Variants in GPC5 observed in about 807,000 individuals in gnomAD.
The protein encoded by GPC5 is glypican 5.
A neutral mutation model predicts 53.9 loss-of-function variants in GPC5; 47 were observed. The observed-to-expected ratio is 0.87, with a 90% confidence interval of 0.69 to 1.11. The LOEUF is 1.11. Among genes scored for constraint, GPC5 ranks in the 50% most tolerant of loss-of-function variants. The pLI, the probability that GPC5 is intolerant of heterozygous loss-of-function variation, is 0.00. For synonymous variants in GPC5, 286 were observed against 263.3 expected (o/e 1.09, Z -0.84); for missense variants, 748 against 713.1 (o/e 1.05, Z -0.56).
intron 2 of GPC5, among the ~76,000 whole-genome samples, chr13:91,668,265 G>T (rs974813082): frequency 2.7e-4 from 41 of 152,188 alleles, no homozygotes; most frequent in Admixed American, 2.4e-3. Flanking sequence ...TCCAGCTGGG[G>T]CTTTGCTCTT....
intron 6 of GPC5, among the ~76,000 whole-genome samples, chr13:92,131,839 A>G (rs1400687436): frequency 1.3e-5 from 2 of 152,036 alleles, no homozygotes; most frequent in African/African-American, 4.8e-5. Flanking sequence ...CGTGTAAATT[A>G]TATATTAATA....
At position 92,331,110 on chromosome 13, in the gene GPC5, G is replaced by A. The variant is rs192454037; in HGVS notation, c.1561+186121G>A. On this transcript the variant is annotated intron_variant, in intron 7 of 7. Coordinates refer to ENST00000377067, the MANE Select transcript of GPC5 (RefSeq NM_004466.6). ...ATGTTAATAAGGATCGGTACATGTC[G>A]AATCTCTAATTACCTGTGTATTATC... Among the ~76,000 whole-genome samples the A allele has an allele frequency of 1.1e-4, 17 of 152,130 alleles. No homozygotes were observed. In the East Asian group the frequency reaches 2.9e-3, roughly 26 times the overall value.
At chr13:91,475,506 A>G (rs1039552247) in intron 2 of GPC5, among the ~76,000 whole-genome samples, 2 of 152,204 alleles carry the variant, frequency 1.3e-5, no homozygotes, top group African/African-American at 4.8e-5. Flanking sequence ...TCAGAGGCAT[A>G]TGGCTGAAAG....
At chr13:92,398,428 C>CA (rs35873316) in intron 7 of GPC5, among the ~76,000 whole-genome samples, 1,934 of 87,416 alleles carry the variant, frequency 0.022, 96 homozygotes, top group East Asian at 0.059. Context: ...GACTCCGTCT[C>CA]AAAAAAAAAA....
At chr13:92,622,357 C>T (rs573678402) in intron 7 of GPC5, among the ~76,000 whole-genome samples, 2 of 152,322 alleles carry the variant, frequency 1.3e-5, no homozygotes, top group East Asian at 3.9e-4. Flanking sequence ...CTGTTGCTCA[C>T]ACCAGATGCT....
At chr13:92,593,232 A>G (rs1248635824) in intron 7 of GPC5, among the ~76,000 whole-genome samples, 2 of 151,274 alleles carry the variant, frequency 1.3e-5, no homozygotes, top group Non-Finnish European at 3.0e-5. Context: ...AGGAGAAAAG[A>G]TGACAATATT....
intron 7 of GPC5, among the ~76,000 whole-genome samples, chr13:92,730,285 C>A (rs1463176978): frequency 6.6e-6 from 1 of 151,344 alleles, no homozygotes; most frequent in Non-Finnish European, 1.5e-5. Context: ...ACCCCCATCA[C>A]CATTCCCCCA....
At chr13:91,733,788 A>G (rs2036754583) in intron 4 of GPC5, among the ~76,000 whole-genome samples, 1 of 152,136 alleles carries the variant, frequency 6.6e-6, no homozygotes, top group Non-Finnish European at 1.5e-5. Context: ...AGACAAGTTA[A>G]TACCTGTCTT....
At chr13:92,511,594 A>C (rs1222101632) in intron 7 of GPC5, among the ~76,000 whole-genome samples, 1 of 152,152 alleles carries the variant, frequency 6.6e-6, no homozygotes, top group South Asian at 2.1e-4. Flanking sequence ...TTCTGTGACC[A>C]TTTTTGGATG....
rs538543112 is a variant in GPC5 at position 91,977,281 on chromosome 13, T to A, written c.1401+69224T>A. ...GTACTATTTTCTTAGCTCATCATTT[T>A]AATTCCATATATAAGGATACATGAG... On this transcript the variant is annotated intron_variant, in intron 6 of 7. Coordinates refer to ENST00000377067, the MANE Select transcript of GPC5 (RefSeq NM_004466.6). 7.2e-5 allele frequency among the ~76,000 whole-genome samples: 11 copies of A among 152,344 alleles called. 1 individual carries two copies. The South Asian group carries it at 2.3e-3, about 32-fold the overall frequency.
chr13:92,586,121 C>T (rs551894862), intron 7 of GPC5, among the ~76,000 whole-genome samples: 3 of 152,076 alleles, frequency 2.0e-5, no homozygotes, highest in Admixed American at 1.3e-4. Flanking sequence ...ACTGTAGTGA[C>T]GGATTAGTCG....
intron 7 of GPC5, among the ~76,000 whole-genome samples, chr13:92,161,273 G>A (rs1258797355): frequency 2.0e-5 from 3 of 151,990 alleles, no homozygotes; most frequent in African/African-American, 7.2e-5. Flanking sequence ...CCCAGAAATG[G>A]ATATTTAACA....
intron 6 of GPC5, among the ~76,000 whole-genome samples, chr13:92,062,063 T>C (rs1433388152): frequency 6.6e-6 from 1 of 151,852 alleles, no homozygotes; most frequent in Non-Finnish European, 1.5e-5. Flanking sequence ...CTTTCCAAGC[T>C]TTCTTATTTT....
chr13:92,227,828 A>G (rs2042499541), intron 7 of GPC5, among the ~76,000 whole-genome samples: 1 of 152,142 alleles, frequency 6.6e-6, no homozygotes, highest in Admixed American at 6.5e-5. Context: ...GTGGTACAAT[A>G]GGTAATAAAT....
chr13:91,755,605 G>T (rs894431758), intron 4 of GPC5, among the ~76,000 whole-genome samples: 1 of 151,986 alleles, frequency 6.6e-6, no homozygotes, highest in Admixed American at 6.6e-5. Flanking sequence ...GCTTGTTGTT[G>T]AATTTTTCCT....
intron 2 of GPC5, among the ~76,000 whole-genome samples, chr13:91,458,152 G>T (rs759915271): frequency 4.5e-4 from 68 of 152,016 alleles, no homozygotes; most frequent in Admixed American, 2.0e-3. Context: ...TGGATACCTG[G>T]GAGAAACACA....
Position 91,465,201 on chromosome 13 carries a change from C to G in GPC5, c.325+16279C>G, listed in dbSNP as rs185617093. ...TTGATCTCATTCACACTCACTTGCT[C>G]TTCATCTTTAATGTCATATTTATTG... is the stretch of plus-strand genomic sequence containing the variant. On this transcript the variant is annotated intron_variant, in intron 2 of 7. Coordinates refer to ENST00000377067, the MANE Select transcript of GPC5 (RefSeq NM_004466.6). Among the ~76,000 whole-genome samples the G allele has an allele frequency of 2.8e-3, 422 of 152,208 alleles. 2 individuals are homozygous for G. The highest frequency in any genetic ancestry group is 3.7e-3 in the Non-Finnish European group (255 of 68,002).
chr13:92,776,901 G>A (rs1311898117), intron 7 of GPC5, among the ~76,000 whole-genome samples: 1 of 151,762 alleles, frequency 6.6e-6, no homozygotes, highest in Non-Finnish European at 1.5e-5. Context: ...TGGGAAGCCT[G>A]TAGTCTCAGC....
chr13:92,084,719 CA>C (rs796789555), intron 6 of GPC5, among the ~76,000 whole-genome samples: 7 of 152,134 alleles, frequency 4.6e-5, no homozygotes, highest in African/African-American at 1.7e-4. Flanking sequence ...TTATTTTACC[CA>C]ACATTTGGTA....
Sources: gnomAD v4.1 joint callset for allele counts (sites outside exome capture counted in the v4.1 genomes callset) on GRCh38, gnomAD v4.1.1 for gene constraint, MANE v1.5 for transcripts, NCBI Gene and HGNC (gene_info 2026-07-23, HGNC 2026-07-21) for gene names.